CPNE4: variants seen among roughly 807,000 people sequenced by gnomAD.
The protein encoded by CPNE4 is copine-4.
Under a neutral mutation model 67.9 loss-of-function variants are expected in CPNE4, and 25 were observed. The observed-to-expected ratio is 0.37, with a 90% CI of 0.27 to 0.51. CPNE4 has a LOEUF of 0.51. Among genes scored for constraint, CPNE4 ranks in the 20% least tolerant of loss-of-function variants. The pLI is 0.93. For synonymous variants in CPNE4, 242 were observed against 244.9 expected, an observed-to-expected ratio of 0.99 and a Z score of 0.11; for missense variants, 464 against 690.8, an observed-to-expected ratio of 0.67 and a Z score of 3.68.
chr3:131,907,447 C>T (rs2088814487), intron 1 of CPNE4, among the ~76,000 whole-genome samples: 1 of 152,040 alleles, frequency 6.6e-6, no homozygotes, highest in Non-Finnish European at 1.5e-5. Flanking sequence ...CTGAGTACAG[C>T]ATGCCACCTC....
chr3:131,686,020 T>TG, intron 5 of CPNE4, 62 bp from the exon 6 acceptor site: 1 of 890,366 alleles, frequency 1.1e-6, no homozygotes. Flanking sequence ...TCCTGATCAA[T>TG]CAGGAATATT....
intron 2 of CPNE4, among the ~76,000 whole-genome samples, chr3:131,749,782 G>C (rs1170566074): frequency 6.6e-6 from 1 of 151,988 alleles, no homozygotes. Flanking sequence ...GCTTTCATTA[G>C]ATTAATATTT....
chr3:131,733,740 T>A (rs1157051999), intron 2 of CPNE4, among the ~76,000 whole-genome samples: 8 of 152,164 alleles, frequency 5.3e-5, no homozygotes, highest in African/African-American at 1.7e-4. Flanking sequence ...CAATTTTCAC[T>A]TCACTCAGAT....
At chr3:131,985,657 T>A (rs1474226250) in intron 1 of CPNE4, among the ~76,000 whole-genome samples, 1 of 152,094 alleles carries the variant, frequency 6.6e-6, no homozygotes, top group African/African-American at 2.4e-5. Flanking sequence ...ATATACAAAA[T>A]AAAAAATATA....
chr3:131,682,171 T>A (rs1046827765), intron 6 of CPNE4, among the ~76,000 whole-genome samples: 1 of 152,136 alleles, frequency 6.6e-6, no homozygotes. Flanking sequence ...CATGTTTTCA[T>A]GAATGGTCCT....
intron 6 of CPNE4, among the ~76,000 whole-genome samples, chr3:131,675,651 C>A (rs2080537948): frequency 6.6e-6 from 1 of 151,994 alleles, no homozygotes; most frequent in Non-Finnish European, 1.5e-5. Flanking sequence ...TTTCTATTTG[C>A]ATGGGATACA....
chr3:131,886,062 G>T (rs945270790), intron 2 of CPNE4, among the ~76,000 whole-genome samples: 1 of 152,108 alleles, frequency 6.6e-6, no homozygotes, highest in Admixed American at 6.5e-5. Flanking sequence ...ATGTCTCCAG[G>T]ACATGTCAGA....
chr3:132,012,452 A>T (rs562081190), intron 1 of CPNE4, among the ~76,000 whole-genome samples: 18 of 152,236 alleles, frequency 1.2e-4, no homozygotes, highest in African/African-American at 4.1e-4. Context: ...TACAGGTGTG[A>T]GCCACTGCAC....
chr3:131,933,881 C>T (rs144014436), intron 1 of CPNE4, among the ~76,000 whole-genome samples: 13 of 150,676 alleles, frequency 8.6e-5, no homozygotes, highest in African/African-American at 1.5e-4. Context: ...GGTTACCAGA[C>T]GCTAAGGGAT....
intron 7 of CPNE4, among the ~76,000 whole-genome samples, chr3:131,613,301 A>G (rs551141620): frequency 2.0e-5 from 3 of 152,092 alleles, no homozygotes; most frequent in Non-Finnish European, 4.4e-5. Flanking sequence ...AAAACCATAC[A>G]TTTTTCATGG....
chr3:131,590,090 C>T lies in CPNE4; in HGVS notation c.682-2508G>A, dbSNP rs73874143. ...TTTTCAAGGTGAGATTATTTATATA[C>T]GTCACCCTTCCATTCCCCTCTCCCA... On this transcript the variant is annotated intron_variant, in intron 7 of 15. Transcript: ENST00000429747. 8.5e-3 allele frequency among the ~76,000 whole-genome samples: 1,298 copies of T among 152,262 alleles called. 25 individuals carry two copies. Among genetic ancestry groups the T allele is most frequent in the South Asian group, 0.08 (387 of 4,818 alleles).
chr3:131,581,713 T>C (rs1284067277), intron 8 of CPNE4, 48 bp from the exon 9 acceptor site: 12 of 1,380,498 alleles, frequency 8.7e-6, no homozygotes, highest in Non-Finnish European at 1.2e-5. Flanking sequence ...AAAAGCTGAG[T>C]CTTTCAATAA....
chr3:131,912,119 CT>C lies in CPNE4; in HGVS notation c.-1-6676del, dbSNP rs1202953486. Among the ~76,000 whole-genome samples the C allele has an allele frequency of 2.0e-5, 3 of 151,562 alleles. No individual in the cohort carries two copies. In the East Asian group the frequency reaches 5.8e-4, roughly 29 times the overall value. ...CACAATACCTTGGGGAGACTAATGT[CT>C]GCTGAGAATTATTTTGATAAAAGCT... On this transcript the variant is annotated intron_variant, in intron 1 of 15. Transcript: ENST00000429747.
In CPNE4 at chr3:131,771,746, G is replaced by A. The variant is rs185536439; in HGVS notation, c.181-48121C>T. On this transcript the variant is annotated intron_variant, in intron 2 of 15. Transcript: ENST00000429747. ...ACACACAAACAGATTAAGACAGCCA[G>A]TGACAAGGAAATTTGGATGCAGAAT... is the stretch of plus-strand genomic sequence containing the variant. 1.2e-4 allele frequency among the ~76,000 whole-genome samples: 19 copies of A among 152,240 alleles called. 1 individual carries two copies. The highest frequency in any genetic ancestry group is 3.4e-3 in the Middle Eastern group (1 of 294).
intron 2 of CPNE4, among the ~76,000 whole-genome samples, chr3:131,848,774 A>C (rs1035803463): frequency 7.9e-5 from 12 of 151,872 alleles, no homozygotes; most frequent in Non-Finnish European, 1.8e-4. Flanking sequence ...AAATTGCCCA[A>C]GCACAAACCA....
At chr3:131,861,559 T>C (rs978525957) in intron 2 of CPNE4, among the ~76,000 whole-genome samples, 2 of 151,862 alleles carry the variant, frequency 1.3e-5, no homozygotes, top group African/African-American at 4.8e-5. Context: ...GCCTCCCAAG[T>C]AGTTGGGATT....
chr3:131,776,405 C>A (rs1391599148), intron 2 of CPNE4, among the ~76,000 whole-genome samples: 5 of 152,128 alleles, frequency 3.3e-5, no homozygotes, highest in Non-Finnish European at 7.3e-5. Context: ...GTCTGAGGAA[C>A]TTCCAACACC....
intron 7 of CPNE4, among the ~76,000 whole-genome samples, chr3:131,610,665 C>T (rs1165459108): frequency 6.6e-6 from 1 of 152,136 alleles, no homozygotes; most frequent in Non-Finnish European, 1.5e-5. Context: ...TGCTTGTCTC[C>T]TTCTCCTCTC....
chr3:131,677,417 T>C (rs1034374208), intron 6 of CPNE4, among the ~76,000 whole-genome samples: 3 of 152,010 alleles, frequency 2.0e-5, no homozygotes, highest in Non-Finnish European at 4.4e-5. Context: ...TTTTGCTGCA[T>C]AGGAGCTCTT....
Sources: allele counts gnomAD v4.1 joint callset (sites outside exome capture counted in the v4.1 genomes callset), GRCh38; gene constraint gnomAD v4.1.1; transcripts MANE v1.5; gene names NCBI Gene and HGNC (gene_info 2026-07-23, HGNC 2026-07-21).